Variants in ZNF140 observed in about 807,000 individuals in gnomAD.
ZNF140 encodes the protein zinc finger protein 140.
In ZNF140, 13 loss-of-function variants were observed where a neutral mutation model predicts 12.9. That is an observed-to-expected ratio of 1.01 (90% CI 0.66 to 1.60). The LOEUF (loss-of-function observed/expected upper bound fraction) is 1.60, where lower values mean the gene tolerates loss of function less well. ZNF140 is among the 40% of genes most tolerant of loss of function. ZNF140 has a pLI of 0.00. For missense variants in ZNF140, 531 were observed against 548.8 expected (o/e 0.97, Z 0.32); for synonymous variants, 214 against 186.7 (o/e 1.15, Z -1.19).
At chr12:133,096,089 C>G (rs912898117) in intron 4 of ZNF140, among the ~76,000 whole-genome samples, 9 of 151,538 alleles carry the variant, frequency 5.9e-5, no homozygotes, top group Non-Finnish European at 5.9e-5. Context: ...TCTCATCCCA[C>G]GAGGCCATAT....
Position 133,106,775 on chromosome 12 carries a change from C to T in ZNF140, c.*124C>T, listed in dbSNP as rs896873457. ...AGTGATGACTGTGAAGTAATATGGC[C>T]CACACTTTATTCACCACCCTGGAGA... On this transcript the variant is annotated 3_prime_UTR_variant, in exon 5 of 5. Coordinates refer to ENST00000355557, the MANE Select transcript of ZNF140 (RefSeq NM_003440.4). 9.2e-6 allele frequency: 8 copies of T among 865,388 alleles called. No homozygotes were observed. The African/African-American group carries it at 1.4e-4, about 15-fold the overall frequency. 53.6% of individuals were successfully genotyped at this position (865,388 alleles called of 1,614,324 possible). A position where few individuals can be genotyped will look rare whatever the true frequency, so the allele number is the denominator to read the frequency against.
rs772430499 is a variant in ZNF140 at position 133,104,878 on chromosome 12, G to C, written c.233-632G>C. On this transcript the variant is annotated intron_variant, in intron 4 of 4. Transcript: ENST00000355557. ...ATTGTGTGTCATGGGGGTTTGGTGTGCAGATAATTTTGTCACCCAGGTAAT... is the reference window on the plus strand; with the variant it reads ...ATTGTGTGTCATGGGGGTTTGGTGTCCAGATAATTTTGTCACCCAGGTAAT... Among the ~76,000 whole-genome samples, 400 of 152,236 alleles carry C rather than the reference G, an allele frequency of 2.6e-3. 2 individuals carry two copies. The highest frequency in any genetic ancestry group is 2.2e-3 in the Non-Finnish European group (150 of 68,008).
In ZNF140 at chr12:133,105,417, A is replaced by C; in HGVS notation, c.233-93A>C. 5 of 1,358,292 alleles carry C rather than the reference A, an allele frequency of 3.7e-6. No individual in the cohort carries two copies. The South Asian group carries it at 6.2e-5, about 17-fold the overall frequency. The allele number at this position is 1,358,292 out of a possible 1,614,324, so 84.1% of individuals were successfully genotyped here. On this transcript the variant is annotated intron_variant, in intron 4 of 4. Transcript: ENST00000355557. ...AAGCTGCTATTGATAAGATTTTTTG[A>C]AACTTCATTCTGTTGCTAAAGAAGG...
In ZNF140 at chr12:133,105,612, C is replaced by T. The variant is rs201002553; in HGVS notation, c.335C>T (p.Pro112Leu). The change falls in exon 5 of 5, where the codon CCT (proline) becomes CTT (leucine). Residue 112 changes from proline to leucine, a missense_variant. Pro to Leu is a moderately conservative substitution (Grantham distance 98). Coordinates refer to ENST00000355557, the MANE Select transcript of ZNF140 (RefSeq NM_003440.4). ...LIMERILSQGPVYSSFKGGWK... is the reference protein window; with the variant it reads ...LIMERILSQGLVYSSFKGGWK... ...ATGGAAAGAATTCTAAGTCAAGGCCCTGTGTATTCCAGTTTTAAAGGAGGC... is the reference window on the plus strand; with the variant it reads ...ATGGAAAGAATTCTAAGTCAAGGCCTTGTGTATTCCAGTTTTAAAGGAGGC... 5,682 of 1,614,084 alleles carry T rather than the reference C, an allele frequency of 3.5e-3. 233 individuals carry two copies. In the Admixed American group the frequency reaches 0.08, roughly 23 times the overall value.
At chr12:133,103,804 GA>G (rs1955455885) in intron 4 of ZNF140, among the ~76,000 whole-genome samples, 2 of 152,210 alleles carry the variant, frequency 1.3e-5, no homozygotes, top group South Asian at 4.1e-4. Context: ...CTCAGTTCCT[GA>G]AAAGAATTAC....
intron 4 of ZNF140, among the ~76,000 whole-genome samples, chr12:133,089,012 C>T (rs995806906): frequency 1.0e-3 from 156 of 152,154 alleles, no homozygotes; most frequent in Admixed American, 1.9e-3. Context: ...AGATACTGGC[C>T]TGTCATTTTC....
chr12:133,092,580 A>G (rs1321570186), intron 4 of ZNF140, among the ~76,000 whole-genome samples: 1 of 151,330 alleles, frequency 6.6e-6, no homozygotes, highest in Admixed American at 6.6e-5. Flanking sequence ...GTGAGCTTCC[A>G]TAATTTTGGG....
chr12:133,097,302 A>G (rs986494839), intron 4 of ZNF140, among the ~76,000 whole-genome samples: 12 of 152,276 alleles, frequency 7.9e-5, no homozygotes, highest in South Asian at 4.1e-4. Flanking sequence ...CACTCTGACA[A>G]TGTCTTAAGT....
At chr12:133,086,182 A>G (rs1350862948) in intron 4 of ZNF140, among the ~76,000 whole-genome samples, 1 of 152,194 alleles carries the variant, frequency 6.6e-6, no homozygotes, top group Non-Finnish European at 1.5e-5. Context: ...ATCCTGATAC[A>G]TATTGGCACA....
At chr12:133,091,249 G>GT (rs1555293484) in intron 4 of ZNF140, among the ~76,000 whole-genome samples, 10 of 147,118 alleles carry the variant, frequency 6.8e-5, no homozygotes, top group African/African-American at 2.5e-4. Context: ...AGTGCACTGT[G>GT]CCCTGGTTTA....
chr12:133,096,009 T>C lies in ZNF140; in HGVS notation c.233-9501T>C, dbSNP rs928389407. ...TTCCTCTATCTCAACTGCAAGAGGC[T>C]TTCCTCTTTTACCAATCCACCTCAG... is the stretch of plus-strand genomic sequence containing the variant. On this transcript the variant is annotated intron_variant, in intron 4 of 4. Transcript: ENST00000355557. 3.1e-3 allele frequency among the ~76,000 whole-genome samples: 474 copies of C among 151,104 alleles called. 6 individuals are homozygous for C. Among genetic ancestry groups the C allele is most frequent in the Middle Eastern group, 6.9e-3 (2 of 290 alleles).
chr12:133,098,356 C>T (rs1465768250), intron 4 of ZNF140, among the ~76,000 whole-genome samples: 1 of 151,964 alleles, frequency 6.6e-6, no homozygotes, highest in African/African-American at 2.4e-5. Context: ...CCTGCCTCAA[C>T]CTCCATAGTA....
chr12:133,106,384 T>G lies in ZNF140; in HGVS notation c.1107T>G (p.His369Gln). ...AATGTGGTAAAGTTTTCACTTGGCA[T>G]GCATCCCTTATTCAACATACGAAGA... is the stretch of plus-strand genomic sequence containing the variant. ...CDECGKVFTWHASLIQHTKSH... is the reference protein window; with the variant it reads ...CDECGKVFTWQASLIQHTKSH... The change falls in exon 5 of 5, where the codon CAT (histidine) becomes CAG (glutamine). Residue 369 changes from histidine to glutamine, a missense_variant. Coordinates refer to ENST00000355557, the MANE Select transcript of ZNF140 (RefSeq NM_003440.4). 6.2e-7 allele frequency: 1 copy of G among 1,614,188 alleles called. No homozygotes were observed. The highest frequency in any genetic ancestry group is 1.3e-5 in the African/African-American group (1 of 75,058).
intron 4 of ZNF140, chr12:133,084,038 T>G: frequency 3.0e-6 from 1 of 335,824 alleles, no homozygotes; most frequent in Non-Finnish European, 5.7e-6. Context: ...TCATACCCAA[T>G]TCTGTTTTTT....
At chr12:133,102,750 TAAAAAAA>T (rs150988045) in intron 4 of ZNF140, among the ~76,000 whole-genome samples, 5 of 136,752 alleles carry the variant, frequency 3.7e-5, no homozygotes, top group African/African-American at 1.3e-4. Context: ...CTCCGTTTCT[TAAAAAAA>T]AAAAAAAGAA....
At chr12:133,100,872 C>A (rs1403126953) in intron 4 of ZNF140, 2 of 335,888 alleles carry the variant, frequency 6.0e-6, no homozygotes, top group Non-Finnish European at 1.2e-5. Flanking sequence ...AATTCACATT[C>A]GGGGTGGGGT....
chr12:133,097,379 C>T (rs1269149276), intron 4 of ZNF140, among the ~76,000 whole-genome samples: 1 of 152,122 alleles, frequency 6.6e-6, no homozygotes, highest in East Asian at 1.9e-4. Flanking sequence ...TGTGGTGGCT[C>T]ACGCCTGTAA....
chr12:133,098,103 G>C lies in ZNF140; in HGVS notation c.233-7407G>C, dbSNP rs1328429468. ...CCCACCTCGACCTCCCAAAGTGCTG[G>C]GATTACAGGCGTGAGCCTACGCACC... On this transcript the variant is annotated intron_variant, in intron 4 of 4. Transcript: ENST00000355557. Among the ~76,000 whole-genome samples the C allele has an allele frequency of 3.3e-5, 5 of 151,908 alleles. No homozygotes were observed. The East Asian group carries it at 9.7e-4, about 29-fold the overall frequency.
At chr12:133,081,689 G>T in intron 2 of ZNF140, 1 of 411,226 alleles carries the variant, frequency 2.4e-6, no homozygotes, top group Non-Finnish European at 4.9e-6. Context: ...GACCTGGCTG[G>T]CATGTTTTAG....
Sources: gnomAD v4.1 joint callset for allele counts (sites outside exome capture counted in the v4.1 genomes callset) on GRCh38, gnomAD v4.1.1 for gene constraint, MANE v1.5 for transcripts, NCBI Gene and HGNC (gene_info 2026-07-23, HGNC 2026-07-21) for gene names.